PTPRD: variants seen among roughly 807,000 people sequenced by gnomAD.
PTPRD encodes the protein receptor-type tyrosine-protein phosphatase delta.
PTPRD carries 34 observed loss-of-function variants against 214.5 expected under a neutral mutation model. The observed-to-expected ratio is 0.16, with a 90% CI of 0.12 to 0.21. The LOEUF is 0.21. Among genes scored for constraint, PTPRD ranks in the 10% least tolerant of loss-of-function variants. The pLI is 1.00. For synonymous variants in PTPRD, 1,128 were observed against 845.7 expected (o/e 1.33, Z -5.79); for missense variants, 2,545 against 2,398.7 (o/e 1.06, Z -1.27).
rs1392042381 is a variant in PTPRD, at chr9:8,485,852, T to C, written c.2965A>G (p.Thr989Ala). 1 of 1,614,036 alleles carries C rather than the reference T, an allele frequency of 6.2e-7. No individual in the cohort carries two copies. Among genetic ancestry groups the C allele is most frequent in the East Asian group, 2.2e-5 (1 of 44,860 alleles). The change falls in exon 28 of 46, where the codon ACA becomes GCA. Residue 989 changes from threonine to alanine, a missense_variant. By Grantham distance (58) the Thr-to-Ala change is moderately conservative (BLOSUM62 0). Transcript: ENST00000381196. The stretch of plus-strand genomic sequence containing the variant: ...TGAGCACGTACTTTTACATCGTATG[T>C]GGTATCTGGTTTTAAGCCAGTGAGT... ...MTLTGLKPDT[T>A]YDVKVRAHTS... is the part of the protein sequence containing the mutation.
intron 7 of PTPRD, among the ~76,000 whole-genome samples, chr9:9,644,630 C>A (rs1356861783): frequency 1.3e-5 from 2 of 152,182 alleles, no homozygotes; most frequent in Non-Finnish European, 2.9e-5. Context: ...GGTTCCCCAG[C>A]AAAGGCCCTG....
chr9:10,494,257 T>G (rs143988324), intron 2 of PTPRD, among the ~76,000 whole-genome samples: 1 of 151,882 alleles, frequency 6.6e-6, no homozygotes, highest in African/African-American at 2.4e-5. Flanking sequence ...TCTTTTCTAA[T>G]CAAAACACTT....
At chr9:10,058,268 A>G (rs2097695669) in intron 3 of PTPRD, among the ~76,000 whole-genome samples, 1 of 152,102 alleles carries the variant, frequency 6.6e-6, no homozygotes, top group Non-Finnish European at 1.5e-5. Flanking sequence ...ACAAGTAACT[A>G]TAAGTTAACC....
chr9:10,069,849 T>C (rs1246604651), intron 3 of PTPRD, among the ~76,000 whole-genome samples: 4 of 152,006 alleles, frequency 2.6e-5, no homozygotes, highest in South Asian at 4.1e-4. Context: ...TTTTTCCTGC[T>C]TTTTAAAATA....
chr9:9,939,143 T>G (rs1381200790), intron 4 of PTPRD, among the ~76,000 whole-genome samples: 1 of 152,124 alleles, frequency 6.6e-6, no homozygotes, highest in Non-Finnish European at 1.5e-5. Context: ...AACACTGATG[T>G]TTTCTCAAAC....
intron 11 of PTPRD, among the ~76,000 whole-genome samples, chr9:8,736,171 C>T (rs1244269297): frequency 3.3e-5 from 5 of 152,072 alleles, no homozygotes; most frequent in Admixed American, 2.6e-4. Context: ...AATGGTGGTA[C>T]TGGTGGGAAT....
At chr9:9,183,971 C>T (rs1449199918) in intron 9 of PTPRD, among the ~76,000 whole-genome samples, 2 of 152,062 alleles carry the variant, frequency 1.3e-5, no homozygotes, top group Non-Finnish European at 2.9e-5. Flanking sequence ...GTCTTAATTT[C>T]TCAACAGAAT....
At chr9:9,163,494 C>T (rs543588930) in intron 10 of PTPRD, among the ~76,000 whole-genome samples, 1 of 129,996 alleles carries the variant, frequency 7.7e-6, no homozygotes, top group South Asian at 2.6e-4. Flanking sequence ...CTCTTTATTG[C>T]TACAGCCACC....
intron 2 of PTPRD, among the ~76,000 whole-genome samples, chr9:10,408,178 T>A (rs2098395466): frequency 6.6e-6 from 1 of 151,518 alleles, no homozygotes; most frequent in Non-Finnish European, 1.5e-5. Context: ...ACAACCAACC[T>A]AAGGTTCTGG....
At chr9:9,503,571 G>A (rs2096489429) in intron 8 of PTPRD, among the ~76,000 whole-genome samples, 1 of 151,694 alleles carries the variant, frequency 6.6e-6, no homozygotes, top group South Asian at 2.1e-4. Flanking sequence ...TGATCATATG[G>A]TTTAGTCAAC....
At chr9:10,243,478 G>A (rs2154364035) in intron 3 of PTPRD, among the ~76,000 whole-genome samples, 1 of 151,798 alleles carries the variant, frequency 6.6e-6, no homozygotes, top group African/African-American at 2.4e-5. Flanking sequence ...TATATTTATG[G>A]TTTGAGTCGT....
intron 5 of PTPRD, among the ~76,000 whole-genome samples, chr9:9,891,597 C>G (rs191615518): frequency 4.0e-4 from 61 of 152,142 alleles, no homozygotes; most frequent in Non-Finnish European, 6.9e-4. Flanking sequence ...TGATACAGGT[C>G]TATTCCACTT....
intron 8 of PTPRD, among the ~76,000 whole-genome samples, chr9:9,410,602 G>A (rs1253181878): frequency 6.6e-6 from 1 of 152,180 alleles, no homozygotes; most frequent in Non-Finnish European, 1.5e-5. Context: ...AGAGGGGCAT[G>A]TGGCTTTTGC....
chr9:10,373,035 G>A (rs1007863072), intron 2 of PTPRD, among the ~76,000 whole-genome samples: 2 of 150,908 alleles, frequency 1.3e-5, no homozygotes, highest in African/African-American at 4.9e-5. Context: ...GTTTCACCAT[G>A]CCAACCAGAC....
intron 11 of PTPRD, among the ~76,000 whole-genome samples, chr9:8,801,921 G>C (rs1224337618): frequency 6.6e-6 from 1 of 152,074 alleles, no homozygotes; most frequent in East Asian, 1.9e-4. Flanking sequence ...GAAAGGGAAG[G>C]GGAGGAGATG....
chr9:10,486,189 A>C (rs1347095341), intron 2 of PTPRD, among the ~76,000 whole-genome samples: 1 of 152,134 alleles, frequency 6.6e-6, no homozygotes, highest in Non-Finnish European at 1.5e-5. Context: ...TAGTTTAATT[A>C]GATCCCATTT....
chr9:10,080,946 G>A (rs2098226416), intron 3 of PTPRD, among the ~76,000 whole-genome samples: 1 of 151,922 alleles, frequency 6.6e-6, no homozygotes, highest in African/African-American at 2.4e-5. Flanking sequence ...TTTGTTTCTT[G>A]CCTACTCTCA....
At chr9:9,970,776 A>T (rs1261320685) in intron 4 of PTPRD, among the ~76,000 whole-genome samples, 1 of 152,188 alleles carries the variant, frequency 6.6e-6, no homozygotes, top group African/African-American at 2.4e-5. Flanking sequence ...CTGGAGTATC[A>T]GTATCACTGT....
intron 2 of PTPRD, among the ~76,000 whole-genome samples, chr9:10,476,025 C>CTATTT (rs1182148835): frequency 2.6e-5 from 4 of 152,098 alleles, no homozygotes; most frequent in Non-Finnish European, 4.4e-5. Flanking sequence ...TAGCCAATAT[C>CTATTT]ATACTGAATG....
Sources: gnomAD v4.1 joint callset for allele counts (sites outside exome capture counted in the v4.1 genomes callset) on GRCh38, gnomAD v4.1.1 for gene constraint, MANE v1.5 for transcripts, NCBI Gene and HGNC (gene_info 2026-07-23, HGNC 2026-07-21) for gene names.